The following FAT2 variants were observed in gnomAD, a reference collection of about 807,000 sequenced individuals.
The protein encoded by FAT2 is protocadherin Fat 2.
Under a neutral mutation model 295.3 loss-of-function variants are expected in FAT2, and 150 were observed. The observed-to-expected ratio is 0.51, with a 90% CI of 0.44 to 0.58. The LOEUF is 0.58. Ranked by LOEUF, FAT2 falls within the 20% of genes least tolerant of loss-of-function variation. FAT2 has a pLI of 0.00. For missense variants in FAT2, 4,868 were observed against 5,442.7 expected, an observed-to-expected ratio of 0.89 and a Z score of 3.32; for synonymous variants, 2,026 against 2,150.3, an observed-to-expected ratio of 0.94 and a Z score of 1.60.
In FAT2 at chr5:151,568,180, C is replaced by T. The variant is rs138191395; in HGVS notation, c.752G>A (p.Arg251Lys). 1.1e-4 allele frequency: 173 copies of T among 1,613,900 alleles called. No individual in the cohort carries two copies. Among genetic ancestry groups the T allele is most frequent in the Admixed American group, 1.8e-4 (11 of 60,012 alleles). Residue 251 changes from arginine (R) to lysine (K), a missense_variant, in exon 2 of 24, where the codon AGG becomes AAG. Arg to Lys is a conservative substitution (Grantham distance 26). Around this residue, in one of 5 missense-constraint regions of FAT2, gnomAD observed 3,297 missense variants for 3,669.4 expected, o/e 0.90. Transcript: ENST00000261800. The part of the protein sequence containing the change: ...ALVVHVEPAL[R>K]KPPAIASVVV... ...CACCGAAGCAATGGCTGGGGGCTTC[C>T]TGAGGGCAGGCTCCACATGAACCAC...
At chr5:151,518,693 C>T (rs564256140) in intron 19 of FAT2, among the ~76,000 whole-genome samples, 33 of 152,322 alleles carry the variant, frequency 2.2e-4, no homozygotes, top group African/African-American at 7.0e-4. Context: ...TCCTCCATCC[C>T]GCCTTAGCAA....
chr5:151,584,436 C>T (rs1014625723), intron 1 of FAT2, among the ~76,000 whole-genome samples: 1 of 152,012 alleles, frequency 6.6e-6, no homozygotes, highest in African/African-American at 2.4e-5. Context: ...CTTCAAAGAC[C>T]CTATGAAGGA....
intron 1 of FAT2, among the ~76,000 whole-genome samples, chr5:151,589,726 T>G (rs1008258158): frequency 6.6e-6 from 1 of 151,514 alleles, no homozygotes; most frequent in Non-Finnish European, 1.5e-5. Flanking sequence ...TGAGACCCCA[T>G]CTCTACAAAA....
At position 151,542,486 on chromosome 5, in the gene FAT2, C is replaced by T. The variant is rs776351095; in HGVS notation, c.8641G>A (p.Gly2881Arg). The T allele has an allele frequency of 1.1e-5, 17 of 1,614,150 alleles. No individual in the cohort carries two copies. Among genetic ancestry groups the T allele is most frequent in the Admixed American group, 3.3e-5 (2 of 60,014 alleles). ...YHFHVVAYDH[G>R]QTIQLSSQAL... Reference sequence around the variant, plus strand: ...TGAGAGGATAGCTGGATGGTCTGTCCGTGGTCATAGGCCACCACATGAAAA... The same window carrying T: ...TGAGAGGATAGCTGGATGGTCTGTCTGTGGTCATAGGCCACCACATGAAAA... Residue 2881 changes from glycine (G) to arginine (R), a missense_variant, in exon 10 of 24, where the codon GGA becomes AGA. Gly to Arg is a moderately radical substitution (Grantham distance 125). Transcript: ENST00000261800.
chr5:151,570,239 T>C (rs929153856), intron 1 of FAT2, among the ~76,000 whole-genome samples: 2 of 152,158 alleles, frequency 1.3e-5, no homozygotes, highest in African/African-American at 4.8e-5. Context: ...TCACCACATG[T>C]CCCTTATAGA....
chr5:151,570,175 G>A (rs1395308004), intron 1 of FAT2, among the ~76,000 whole-genome samples: 1 of 152,226 alleles, frequency 6.6e-6, no homozygotes, highest in East Asian at 1.9e-4. Context: ...GCTAGTGGGA[G>A]CTCCTTGCAC....
chr5:151,505,624 A>G lies in FAT2; in HGVS notation c.12991T>C (p.Tyr4331His), dbSNP rs908696685. 1 of 1,613,974 alleles carries G rather than the reference A, an allele frequency of 6.2e-7. No homozygotes were observed. The highest frequency in any genetic ancestry group is 1.3e-5 in the African/African-American group (1 of 74,922). The change falls in exon 24 of 24, where the codon TAT becomes CAT. Residue 4331 changes from tyrosine to histidine, a missense_variant. Transcript: ENST00000261800. The stretch of plus-strand genomic sequence containing the variant: ...CTCTCCACCATGTCAGAGCCCTCAT[A>G]GTTGGGGGGCACCCGGGGCTGGCCC... ...GQGQPRVPPN[Y>H]EGSDMVESDY...
intron 16 of FAT2, 81 bp from the exon 17 acceptor site, chr5:151,527,458 C>T (rs961031995): frequency 7.3e-7 from 1 of 1,363,890 alleles, no homozygotes; most frequent in East Asian, 2.5e-5. Context: ...CTAATATTTT[C>T]AAAAAAAATA....
At chr5:151,510,316 C>T in intron 21 of FAT2, 142 bp from the exon 22 acceptor site, 2 of 949,362 alleles carry the variant, frequency 2.1e-6, no homozygotes, top group Non-Finnish European at 3.1e-6. Context: ...CAATACCGTG[C>T]TGGGCATTGG....
chr5:151,593,704 G>GTAA (rs987060386), upstream of FAT2, among the ~76,000 whole-genome samples: 2 of 151,892 alleles, frequency 1.3e-5, no homozygotes, highest in Non-Finnish European at 2.9e-5. Context: ...TGACCAAGAA[G>GTAA]TAATAATAAT....
chr5:151,543,385 T>C lies in FAT2; in HGVS notation c.7742A>G (p.Asn2581Ser). Reference protein sequence around the residue: ...VKIILTDENDNPPQFKASEYT... With the variant: ...VKIILTDENDSPPQFKASEYT... ...CTCAGATGCTTTGAACTGTGGGGGG[T>C]TGTCATTTTCATCTGTGAGGATGAT... The change falls in exon 10 of 24, where the codon AAC becomes AGC. Residue 2581 changes from asparagine to serine, a missense_variant. By Grantham distance (46) the Asn-to-Ser change is conservative. This residue lies in a region of FAT2 where 3,297 missense variants were observed against 3,669.4 expected (regional missense o/e 0.90). Coordinates refer to ENST00000261800, the MANE Select transcript of FAT2 (RefSeq NM_001447.3). 1.2e-6 allele frequency: 2 copies of C among 1,613,964 alleles called. No individual in the cohort carries two copies. Among genetic ancestry groups the C allele is most frequent in the South Asian group, 1.1e-5 (1 of 91,072 alleles).
chr5:151,509,826 GA>G (rs762213074), intron 22 of FAT2, 194 bp downstream of exon 22: 166 of 614,760 alleles, frequency 2.7e-4, no homozygotes, highest in Non-Finnish European at 4.1e-4. Context: ...CTGGTCCGTG[GA>G]AAAAGTGTCT....
intron 17 of FAT2, 26 bp downstream of exon 17, chr5:151,527,208 A>G (rs1754106467): frequency 6.3e-7 from 1 of 1,580,842 alleles, no homozygotes; most frequent in Non-Finnish European, 8.6e-7. Context: ...GGAAGGGCTC[A>G]GGGTGCCTTG....
chr5:151,592,618 A>G (rs1002516387), upstream of FAT2, among the ~76,000 whole-genome samples: 1 of 152,206 alleles, frequency 6.6e-6, no homozygotes, highest in South Asian at 2.1e-4. Flanking sequence ...AATTATTCAT[A>G]CCGTTGTTAA....
Position 151,531,355 on chromosome 5 carries a change from C to A in FAT2, c.9811+232G>T, listed in dbSNP as rs1353837595. ...CACTGAGGGTCCTGGACACAGAGAC[C>A]TGGCTGCGGACGTGGGAGGGTCCCG... On this transcript the variant is annotated intron_variant, in intron 14 of 23. Transcript: ENST00000261800. The surrounding 1 kb of genome is among the most constrained non-coding windows in gnomAD (Gnocchi z 5.7). Among the ~76,000 whole-genome samples the A allele has an allele frequency of 6.6e-6, 1 of 152,170 alleles. No individual in the cohort carries two copies. The highest frequency in any genetic ancestry group is 2.4e-5 in the African/African-American group (1 of 41,456).
chr5:151,554,860 A>G (rs1430698156), intron 4 of FAT2, among the ~76,000 whole-genome samples, 187 bp from the exon 5 acceptor site: 4 of 152,236 alleles, frequency 2.6e-5, no homozygotes, highest in Admixed American at 6.5e-5. Flanking sequence ...GTGAGAACAG[A>G]GAAAGGAAGC....
At chr5:151,583,053 G>A (rs988373787) in intron 1 of FAT2, among the ~76,000 whole-genome samples, 3 of 152,152 alleles carry the variant, frequency 2.0e-5, no homozygotes, top group Non-Finnish European at 2.9e-5. Context: ...AGAGGCAGCT[G>A]TTCATCTTCC....
chr5:151,569,699 C>T (rs114726679), intron 1 of FAT2, among the ~76,000 whole-genome samples: 292 of 152,336 alleles, frequency 1.9e-3, no homozygotes, highest in African/African-American at 6.7e-3. Flanking sequence ...TTCTGTGACT[C>T]CTTGGGCGAT....
In FAT2 at chr5:151,542,721, A is replaced by G. The variant is rs745991263; in HGVS notation, c.8406T>C (p.Tyr2802=). ...DNRPVFEADP[Y]KAVLTENMPV... Reference sequence around the variant, plus strand: ...GCATATTCTCAGTGAGGACAGCCTTATATGGATCAGCCTCAAATACAGGCC... The same window carrying G: ...GCATATTCTCAGTGAGGACAGCCTTGTATGGATCAGCCTCAAATACAGGCC... Residue 2802 remains tyrosine, a synonymous_variant, in exon 10 of 24, where the codon TAT becomes TAC. Transcript: ENST00000261800. 1.9e-6 allele frequency: 3 copies of G among 1,614,232 alleles called. No homozygotes were observed. The highest frequency in any genetic ancestry group is 1.1e-5 in the South Asian group (1 of 91,078).
Sources: gnomAD v4.1 joint callset for allele counts (sites outside exome capture counted in the v4.1 genomes callset) on GRCh38, gnomAD v4.1.1 for gene constraint, gnomAD v4.1.1 regional missense constraint, Gnocchi (gnomAD v3.1) non-coding constraint, MANE v1.5 for transcripts, NCBI Gene and HGNC (gene_info 2026-07-23, HGNC 2026-07-21) for gene names.